Variants in LONP1 observed in about 807,000 individuals in gnomAD.
LONP1 encodes lon peptidase 1, mitochondrial, also known as lon protease homolog, mitochondrial.
LONP1 carries 31 observed loss-of-function variants against 98.5 expected under a neutral mutation model. That is an observed-to-expected ratio of 0.31 (90% confidence interval 0.24 to 0.42). The LOEUF (loss-of-function observed/expected upper bound fraction) is 0.42. LONP1 is among the 20% of genes least tolerant of loss of function. The probability of loss-of-function intolerance (pLI) is 1.00; values close to 1 mark genes in which losing one functional copy is unlikely to be tolerated. For missense variants in LONP1, 1,336 were observed against 1,350.6 expected (o/e 0.99, Z 0.17); for synonymous variants, 781 against 594.7 (o/e 1.31, Z -4.56).
At position 5,720,016 on chromosome 19, in the gene LONP1, C is replaced by A. The variant is rs1166207494; in HGVS notation, c.117G>T (p.Leu39Phe). 2.4e-5 allele frequency: 37 copies of A among 1,569,494 alleles called. No individual in the cohort carries two copies. Among genetic ancestry groups the A allele is most frequent in the Non-Finnish European group, 2.8e-5 (33 of 1,160,680 alleles). The change falls in exon 1 of 18, where the codon TTG becomes TTT. Residue 39 changes from leucine to phenylalanine, a missense_variant. By Grantham distance (22) the Leu-to-Phe change is conservative (BLOSUM62 0). Coordinates refer to ENST00000360614, the MANE Select transcript of LONP1 (RefSeq NM_004793.4). The stretch of plus-strand genomic sequence containing the variant: ...CGTCGCAGGTCCGCTGGCCTCGGAG[C>A]AACCACGCTCCTGCTGCAGTGGGAA... Reference protein sequence around the residue: ...GRVPTAAGAWLLRGQRTCDAS... With the variant: ...GRVPTAAGAWFLRGQRTCDAS...
chr19:5,708,735 C>T lies in LONP1; in HGVS notation c.871-332G>A, dbSNP rs889719696. ...ATTTTTTAAGAGACCAAGTCTTGGC[C>T]GGGCGTGGTGGCTCACGCCTGTAAT... On this transcript the variant is annotated intron_variant, in intron 4 of 17. Coordinates refer to ENST00000360614, the MANE Select transcript of LONP1 (RefSeq NM_004793.4). 15 of 239,720 alleles carry T rather than the reference C, an allele frequency of 6.3e-5. No homozygotes were observed. The South Asian group carries it at 8.0e-4, about 13-fold the overall frequency. The allele number at this position is 239,720 out of a possible 1,614,324, so 14.8% of individuals were successfully genotyped here. A position where few individuals can be genotyped will look rare whatever the true frequency, so the allele number is the denominator to read the frequency against.
At chr19:5,713,493 A>C (rs1487584784) in intron 2 of LONP1, among the ~76,000 whole-genome samples, 1 of 152,132 alleles carries the variant, frequency 6.6e-6, no homozygotes, top group Admixed American at 6.5e-5. Context: ...AGCCACAAAG[A>C]CATGGTCCAG....
chr19:5,705,304 A>G lies in LONP1; in HGVS notation c.1367+468T>C, dbSNP rs1020524654. On this transcript the variant is annotated intron_variant, in intron 8 of 17. Coordinates refer to ENST00000360614, the MANE Select transcript of LONP1 (RefSeq NM_004793.4). ...AAACCCCATGTCTCCTAAAAATACA[A>G]AAAATTAACCAGGCGTGGTGGTGCA... Among the ~76,000 whole-genome samples the G allele has an allele frequency of 1.3e-5, 2 of 151,662 alleles. 1 individual carries two copies. The highest frequency in any genetic ancestry group is 4.8e-5 in the African/African-American group (2 of 41,246).
chr19:5,694,167 G>A (rs1341037752), intron 15 of LONP1, among the ~76,000 whole-genome samples: 1 of 152,134 alleles, frequency 6.6e-6, no homozygotes, highest in Non-Finnish European at 1.5e-5. Flanking sequence ...CTATCAAAGT[G>A]GCACCCAAAT....
In LONP1 at chr19:5,707,204, G is replaced by A. The variant is rs1241644176; in HGVS notation, c.1063-61C>T. The A allele has an allele frequency of 1.4e-5, 19 of 1,390,066 alleles. No individual in the cohort carries two copies. The Admixed American group carries it at 1.5e-4, about 11-fold the overall frequency. 86.1% of individuals were successfully genotyped at this position (1,390,066 alleles called of 1,614,324 possible). A position where few individuals can be genotyped will look rare whatever the true frequency, so the allele number is the denominator to read the frequency against. On this transcript the variant is annotated intron_variant, in intron 6 of 17. Coordinates refer to ENST00000360614, the MANE Select transcript of LONP1 (RefSeq NM_004793.4). ...AGTCGGCATCTGTGTGTGTAGGGCC[G>A]AGGTTGGGGGAAAATGCGCACCCTG...
At chr19:5,704,599 G>A (rs1487915158) in intron 8 of LONP1, among the ~76,000 whole-genome samples, 1 of 152,188 alleles carries the variant, frequency 6.6e-6, no homozygotes, top group Non-Finnish European at 1.5e-5. Context: ...TGGTTCCTGG[G>A]CTGAAAACAG....
intron 16 of LONP1, 25 bp downstream of exon 16, chr19:5,693,527 A>T (rs1460975978): frequency 3.1e-6 from 5 of 1,613,364 alleles, no homozygotes; most frequent in Non-Finnish European, 4.2e-6. Context: ...GGGCGGGAGC[A>T]GGTGGGAGCG....
chr19:5,695,435 C>T (rs1305246120), intron 13 of LONP1, among the ~76,000 whole-genome samples: 1 of 152,112 alleles, frequency 6.6e-6, no homozygotes, highest in Non-Finnish European at 1.5e-5. Context: ...TCCCCATGCC[C>T]CCCAGTCCTG....
chr19:5,720,032 G>T lies in LONP1; in HGVS notation c.101C>A (p.Ala34Glu), dbSNP rs868186693. 6.4e-7 allele frequency: 1 copy of T among 1,558,840 alleles called. No homozygotes were observed. ...GCCTCGGAGCAACCACGCTCCTGCT[G>T]CAGTGGGAACCCGCCCCCCGGCGGC... is the stretch of plus-strand genomic sequence containing the variant. ...LAAAGGRVPT[A>E]AGAWLLRGQR... Residue 34 changes from alanine (A) to glutamate (E), a missense_variant, in exon 1 of 18, where the codon GCA becomes GAA. By Grantham distance (107) the Ala-to-Glu change is moderately radical. Coordinates refer to ENST00000360614, the MANE Select transcript of LONP1 (RefSeq NM_004793.4).
chr19:5,720,117 C>G lies in LONP1; in HGVS notation c.16G>C (p.Gly6Arg). The change falls in exon 1 of 18, where the codon GGC becomes CGC. Residue 6 changes from glycine to arginine, a missense_variant. Transcript: ENST00000360614. Reference protein sequence around the residue: MAASTGYVRLWGAARC... With the variant: MAASTRYVRLWGAARC... ...GCCGCTCCCCACAGTCGCACGTAGC[C>G]AGTGCTCGCCGCCATAGCCCGGCCA... 7.0e-7 allele frequency: 1 copy of G among 1,431,808 alleles called. No homozygotes were observed. Among genetic ancestry groups the G allele is most frequent in the Non-Finnish European group, 9.1e-7 (1 of 1,101,380 alleles). The allele number at this position is 1,431,808 out of a possible 1,614,324, so 88.7% of individuals were successfully genotyped here.
At chr19:5,719,360 A>C (rs2145642079) in intron 1 of LONP1, among the ~76,000 whole-genome samples, 1 of 152,340 alleles carries the variant, frequency 6.6e-6, no homozygotes. Flanking sequence ...GCGAGGAGGT[A>C]TTACAAAACT....
In LONP1 at chr19:5,692,009, C is replaced by G; in HGVS notation, c.*23G>C. The stretch of plus-strand genomic sequence containing the variant: ...GGCCCAGACAGGGCCTGACATCCGC[C>G]GCCTGCAGTCCCGGGGTGGCCGTCA... On this transcript the variant is annotated 3_prime_UTR_variant, in exon 18 of 18. Coordinates refer to ENST00000360614, the MANE Select transcript of LONP1 (RefSeq NM_004793.4). The G allele has an allele frequency of 2.0e-6, 2 of 988,588 alleles. No homozygotes were observed. The highest frequency in any genetic ancestry group is 1.5e-5 in the African/African-American group (1 of 65,244). The allele number at this position is 988,588 out of a possible 1,614,324, so 61.2% of individuals were successfully genotyped here. A position where few individuals can be genotyped will look rare whatever the true frequency, so the allele number is the denominator to read the frequency against.
intron 8 of LONP1, among the ~76,000 whole-genome samples, chr19:5,701,699 C>T (rs1478572511): frequency 1.3e-5 from 2 of 152,164 alleles, no homozygotes; most frequent in African/African-American, 2.4e-5. Context: ...ACCTCCCAGC[C>T]GCCTGCCTTA....
upstream of LONP1, chr19:5,720,269 G>C: frequency 4.1e-6 from 5 of 1,220,486 alleles, no homozygotes; most frequent in Non-Finnish European, 5.4e-6. Flanking sequence ...GGGCCTACGC[G>C]GAGAAGAGGG....
At chr19:5,714,618 CT>C (rs369231779) in intron 1 of LONP1, among the ~76,000 whole-genome samples, 77 of 127,810 alleles carry the variant, frequency 6.0e-4, no homozygotes, top group Middle Eastern at 4.7e-3. Context: ...GGTAGCTTTT[CT>C]TTTTTTTTTT....
chr19:5,700,924 G>C lies in LONP1; in HGVS notation c.1371C>G (p.Val457=). ...LLDNHSSEFN[V]TRNYLDWLTS... Reference sequence around the variant, plus strand: ...TGAGCCAGTCTAGGTAGTTGCGGGTGACACTGCCAGGGGACAGATGGAGAG... The same window carrying C: ...TGAGCCAGTCTAGGTAGTTGCGGGTCACACTGCCAGGGGACAGATGGAGAG... Residue 457 remains valine, a synonymous_variant, in exon 9 of 18, where the codon GTC becomes GTG. Transcript: ENST00000360614. The C allele has an allele frequency of 6.2e-7, 1 of 1,614,152 alleles. No homozygotes were observed. Among genetic ancestry groups the C allele is most frequent in the Non-Finnish European group, 8.5e-7 (1 of 1,180,006 alleles).
At chr19:5,712,112 C>T (rs1364298315) in intron 3 of LONP1, 110 bp from the exon 4 acceptor site, 3 of 863,380 alleles carry the variant, frequency 3.5e-6, no homozygotes, top group Non-Finnish European at 5.2e-6. Context: ...GAGCCCAGAC[C>T]TCTGGAGCCA....
At chr19:5,700,487 G>A (rs1027107459) in intron 9 of LONP1, among the ~76,000 whole-genome samples, 2 of 152,128 alleles carry the variant, frequency 1.3e-5, no homozygotes, top group African/African-American at 4.8e-5. Context: ...CATGATCACA[G>A]CTCACCACAG....
At chr19:5,714,562 C>T (rs1186447510) in intron 1 of LONP1, among the ~76,000 whole-genome samples, 3 of 151,830 alleles carry the variant, frequency 2.0e-5, no homozygotes, top group Admixed American at 6.6e-5. Flanking sequence ...ACCTCAGCCT[C>T]CCAAAATGCC....
Sources: gnomAD v4.1 joint callset for allele counts (sites outside exome capture counted in the v4.1 genomes callset) on GRCh38, gnomAD v4.1.1 for gene constraint, MANE v1.5 for transcripts, NCBI Gene and HGNC (gene_info 2026-07-23, HGNC 2026-07-21) for gene names.